TMEM108: variants seen among roughly 807,000 people sequenced by gnomAD.
TMEM108 encodes the protein transmembrane protein 108.
In TMEM108, 12 loss-of-function variants were observed where a neutral mutation model predicts 35.1. The ratio of observed to expected loss-of-function variants is 0.34; its 90% CI spans 0.22 to 0.55. The LOEUF is 0.55. Among genes scored for constraint, TMEM108 ranks in the 20% least tolerant of loss-of-function variants. The pLI, the probability that TMEM108 is intolerant of heterozygous loss-of-function variation, is 0.89. For synonymous variants in TMEM108, 287 were observed against 308.6 expected (o/e 0.93, Z 0.73); for missense variants, 680 against 753.3 (o/e 0.90, Z 1.14).
At chr3:133,379,673 C>G in intron 3 of TMEM108, 79 bp from the exon 4 acceptor site, 2 of 1,445,112 alleles carry the variant, frequency 1.4e-6, no homozygotes, top group East Asian at 2.3e-5. Context: ...CAGCACTGTC[C>G]TAGGCCACAG....
intron 3 of TMEM108, among the ~76,000 whole-genome samples, chr3:133,322,150 C>G (rs1024613902): frequency 3.9e-5 from 6 of 151,974 alleles, no homozygotes; most frequent in Admixed American, 6.6e-5. Context: ...CAAACCCAAA[C>G]CCGGCAGAAG....
Position 133,305,503 on chromosome 3 carries a change from A to G in TMEM108, c.41-74249A>G, listed in dbSNP as rs1559898550. Among the ~76,000 whole-genome samples the G allele has an allele frequency of 2.0e-5, 3 of 146,918 alleles. No homozygotes were observed. The South Asian group carries it at 6.6e-4, about 32-fold the overall frequency. ...ACAATGTGCACATGTACCCTGAAAT[A>G]TAAAGTATAATAAAATAAATAAATA... On this transcript the variant is annotated intron_variant, in intron 3 of 5. Coordinates refer to ENST00000321871, the MANE Select transcript of TMEM108 (RefSeq NM_023943.4).
At chr3:133,312,639 T>G (rs187722860) in intron 3 of TMEM108, among the ~76,000 whole-genome samples, 1 of 152,346 alleles carries the variant, frequency 6.6e-6, no homozygotes, top group African/African-American at 2.4e-5. Context: ...CTGTCACAGC[T>G]TCCCTTGGCT....
intron 3 of TMEM108, among the ~76,000 whole-genome samples, chr3:133,270,782 G>A (rs1946759140): frequency 6.9e-6 from 1 of 143,946 alleles, no homozygotes; most frequent in Non-Finnish European, 1.5e-5. Context: ...AAGACTGCCT[G>A]TTCGAAGAAT....
intron 4 of TMEM108, chr3:133,389,000 G>A (rs1452255241): frequency 1.0e-5 from 10 of 985,608 alleles, no homozygotes; most frequent in Admixed American, 6.1e-5. Flanking sequence ...GATGTCAGAT[G>A]TGGCTCTTGG....
chr3:133,152,059 G>A (rs1376754488), intron 2 of TMEM108, among the ~76,000 whole-genome samples: 2 of 152,156 alleles, frequency 1.3e-5, no homozygotes, highest in East Asian at 3.8e-4. Flanking sequence ...GACCAAAACA[G>A]CATCTGACTC....
chr3:133,235,736 T>C (rs1056655191), intron 3 of TMEM108, among the ~76,000 whole-genome samples: 8 of 152,186 alleles, frequency 5.3e-5, no homozygotes, highest in Non-Finnish European at 8.8e-5. Flanking sequence ...TGGAACCTTC[T>C]GGTTCACAAA....
chr3:133,248,709 G>C (rs1459546669), intron 3 of TMEM108: 1 of 152,110 alleles, frequency 6.6e-6, no homozygotes, highest in Non-Finnish European at 1.5e-5. Context: ...TATGGCAGTG[G>C]GTTATTCCTT....
chr3:133,332,653 A>G (rs1405952892), intron 3 of TMEM108, among the ~76,000 whole-genome samples: 1 of 152,148 alleles, frequency 6.6e-6, no homozygotes, highest in Non-Finnish European at 1.5e-5. Flanking sequence ...GTGCTGGTAT[A>G]TTTCAAGACG....
At chr3:133,086,826 A>G (rs1266227549) in intron 2 of TMEM108, among the ~76,000 whole-genome samples, 1 of 152,214 alleles carries the variant, frequency 6.6e-6, no homozygotes, top group Admixed American at 6.5e-5. Context: ...TGGGCATTAC[A>G]TGGATGTGTG....
At chr3:133,146,124 T>C (rs1021246493) in intron 2 of TMEM108, among the ~76,000 whole-genome samples, 1 of 152,194 alleles carries the variant, frequency 6.6e-6, no homozygotes, top group African/African-American at 2.4e-5. Context: ...GCTCTTATTG[T>C]TTTGAGATAC....
At chr3:133,110,514 G>C (rs1179394208) in intron 2 of TMEM108, among the ~76,000 whole-genome samples, 1 of 152,174 alleles carries the variant, frequency 6.6e-6, no homozygotes, top group Admixed American at 6.5e-5. Flanking sequence ...GACATTTCTA[G>C]TTGGATCAGG....
chr3:133,292,384 T>C (rs1338546198), intron 3 of TMEM108, among the ~76,000 whole-genome samples: 2 of 152,202 alleles, frequency 1.3e-5, no homozygotes, highest in Non-Finnish European at 2.9e-5. Flanking sequence ...CACAAAGTGA[T>C]GGTTTCCTTG....
At chr3:133,296,143 C>T (rs80345998) in intron 3 of TMEM108, among the ~76,000 whole-genome samples, 1 of 152,156 alleles carries the variant, frequency 6.6e-6, no homozygotes, top group African/African-American at 2.4e-5. Flanking sequence ...AGGAAAAGCA[C>T]CCCCCTTTTT....
chr3:133,258,187 C>T (rs748481208), intron 3 of TMEM108, among the ~76,000 whole-genome samples: 18 of 152,212 alleles, frequency 1.2e-4, no homozygotes, highest in East Asian at 9.7e-4. Context: ...CCCCTTCCTC[C>T]GTTTGAAGAC....
chr3:133,086,064 A>G (rs1280773105), intron 2 of TMEM108, among the ~76,000 whole-genome samples: 1 of 152,214 alleles, frequency 6.6e-6, no homozygotes, highest in Non-Finnish European at 1.5e-5. Flanking sequence ...ATTGCTTACT[A>G]AGGAGATATC....
In TMEM108 at chr3:133,040,202, G is replaced by GT. The variant is rs200928853; in HGVS notation, c.-166+1770dup. Among the ~76,000 whole-genome samples, 1,073 of 119,602 alleles carry GT rather than the reference G, an allele frequency of 9.0e-3. 20 individuals carry two copies. Among genetic ancestry groups the GT allele is most frequent in the African/African-American group, 0.029 (979 of 34,144 alleles). The allele number at this position is 119,602 out of a possible 152,430, so 78.5% of individuals were successfully genotyped here. A position where few individuals can be genotyped will look rare whatever the true frequency, so the allele number is the denominator to read the frequency against. ...TTATCACAGTTTTTTTTGTTTGTTT[G>GT]TTTGTTTTTTTTTTTTTTTGAGACG... On this transcript the variant is annotated intron_variant, in intron 1 of 5. Coordinates refer to ENST00000321871, the MANE Select transcript of TMEM108 (RefSeq NM_023943.4).
At chr3:133,077,316 A>AT (rs1943754346) in intron 2 of TMEM108, among the ~76,000 whole-genome samples, 1 of 152,100 alleles carries the variant, frequency 6.6e-6, no homozygotes, top group Non-Finnish European at 1.5e-5. Context: ...TCCTACTCAT[A>AT]TTTTTTTCTC....
At chr3:133,276,071 G>A (rs531719731) in intron 3 of TMEM108, among the ~76,000 whole-genome samples, 16 of 152,304 alleles carry the variant, frequency 1.1e-4, no homozygotes, top group African/African-American at 2.2e-4. Context: ...AGGGTGACCC[G>A]TGGAGCCATG....
Sources: gnomAD v4.1 joint callset for allele counts (sites outside exome capture counted in the v4.1 genomes callset) on GRCh38, gnomAD v4.1.1 for gene constraint, MANE v1.5 for transcripts, NCBI Gene and HGNC (gene_info 2026-07-23, HGNC 2026-07-21) for gene names.